KCNC2: variants seen among roughly 807,000 people sequenced by gnomAD.
The protein encoded by KCNC2 is potassium voltage-gated channel subfamily C member 2.
A neutral mutation model predicts 44.5 loss-of-function variants in KCNC2; 21 were observed. The ratio of observed to expected loss-of-function variants is 0.47; its 90% CI spans 0.33 to 0.68. The LOEUF is 0.68. Ranked by LOEUF, KCNC2 falls within the 30% of genes least tolerant of loss-of-function variation. The pLI is 0.01. For synonymous variants in KCNC2, 391 were observed against 339.1 expected, an observed-to-expected ratio of 1.15 and a Z score of -1.68; for missense variants, 589 against 826.2, an observed-to-expected ratio of 0.71 and a Z score of 3.52.
intron 2 of KCNC2, among the ~76,000 whole-genome samples, chr12:75,054,263 T>G (rs1881503192): frequency 1.3e-5 from 2 of 151,970 alleles, no homozygotes. Context: ...GAGGCAATGT[T>G]TTTATTTGTG....
At chr12:75,170,893 A>G (rs951068163) in intron 2 of KCNC2, among the ~76,000 whole-genome samples, 4 of 151,706 alleles carry the variant, frequency 2.6e-5, no homozygotes, top group Non-Finnish European at 5.9e-5. Context: ...CTGCATACTC[A>G]TTTGGGGGCG....
At chr12:75,141,014 C>T (rs1251597696) in intron 2 of KCNC2, among the ~76,000 whole-genome samples, 1 of 152,134 alleles carries the variant, frequency 6.6e-6, no homozygotes, top group Non-Finnish European at 1.5e-5. Flanking sequence ...TTCTGCTATT[C>T]ATGCTAAAAC....
intron 2 of KCNC2, among the ~76,000 whole-genome samples, chr12:75,188,117 A>G (rs2029873299): frequency 6.6e-6 from 1 of 152,212 alleles, no homozygotes; most frequent in Non-Finnish European, 1.5e-5. Context: ...GACCACAGAA[A>G]TCACCTCTGG....
intron 2 of KCNC2, among the ~76,000 whole-genome samples, chr12:75,169,263 G>A (rs1451474189): frequency 2.0e-5 from 3 of 151,470 alleles, no homozygotes; most frequent in East Asian, 1.9e-4. Context: ...GGCACATAAT[G>A]AGCATTGAAC....
chr12:75,069,355 C>G (rs200637610), intron 2 of KCNC2, among the ~76,000 whole-genome samples: 2 of 151,718 alleles, frequency 1.3e-5, no homozygotes, highest in African/African-American at 2.4e-5. Context: ...AGGCTGGTCT[C>G]GAACTCCCGA....
intron 2 of KCNC2, among the ~76,000 whole-genome samples, chr12:75,136,662 A>G (rs1444855023): frequency 6.6e-6 from 1 of 152,088 alleles, no homozygotes; most frequent in Non-Finnish European, 1.5e-5. Flanking sequence ...GAGTAATAAG[A>G]TAGAATCAGT....
chr12:75,048,301 G>C lies in KCNC2; in HGVS notation c.1632C>G (p.Asp544Glu), dbSNP rs774214038. Residue 544 changes from aspartate (D) to glutamate (E), a missense_variant, in exon 4 of 5, where the codon GAC (aspartate) becomes GAG (glutamate). Transcript: ENST00000549446. ...EHNRSVLSGD[D>E]STGSEPPLSP... The stretch of plus-strand genomic sequence containing the variant: ...ATAGTGGCGGCTCACTTCCTGTACT[G>C]TCGTCACCTGATAACACTGGTCACA... The C allele has an allele frequency of 1.2e-6, 2 of 1,611,348 alleles. No individual in the cohort carries two copies. Among genetic ancestry groups the C allele is most frequent in the South Asian group, 2.2e-5 (2 of 90,790 alleles).
At chr12:75,055,469 T>G (rs1024793364) in intron 2 of KCNC2, among the ~76,000 whole-genome samples, 3 of 152,092 alleles carry the variant, frequency 2.0e-5, no homozygotes, top group Non-Finnish European at 4.4e-5. Flanking sequence ...CATCTCTCTC[T>G]GTCTTTTCCC....
chr12:75,176,799 T>G (rs975460774), intron 2 of KCNC2, among the ~76,000 whole-genome samples: 1 of 151,884 alleles, frequency 6.6e-6, no homozygotes, highest in African/African-American at 2.4e-5. Flanking sequence ...CTGTGACCTT[T>G]GAAACAGTAA....
At chr12:75,204,781 T>C (rs2031555943) in intron 2 of KCNC2, among the ~76,000 whole-genome samples, 1 of 152,136 alleles carries the variant, frequency 6.6e-6, no homozygotes. Flanking sequence ...GTAAAAATAT[T>C]AAGTCACTTT....
chr12:75,077,533 T>A (rs927203399), intron 2 of KCNC2, among the ~76,000 whole-genome samples: 10 of 152,206 alleles, frequency 6.6e-5, no homozygotes, highest in Non-Finnish European at 1.2e-4. Context: ...TTCTTGGCAT[T>A]ACTCATTTTT....
At chr12:75,126,655 G>A (rs1431037051) in intron 2 of KCNC2, among the ~76,000 whole-genome samples, 1 of 152,020 alleles carries the variant, frequency 6.6e-6, no homozygotes, top group Non-Finnish European at 1.5e-5. Flanking sequence ...ATTCAGAATC[G>A]TTCTGGCACA....
intron 2 of KCNC2, among the ~76,000 whole-genome samples, chr12:75,083,168 T>A (rs1359723443): frequency 3.3e-5 from 5 of 151,576 alleles, no homozygotes; most frequent in African/African-American, 9.7e-5. Flanking sequence ...AAAAGTACTT[T>A]AAAATACAAA....
intron 2 of KCNC2, among the ~76,000 whole-genome samples, chr12:75,188,921 A>G (rs1052238780): frequency 6.6e-6 from 1 of 152,046 alleles, no homozygotes; most frequent in Non-Finnish European, 1.5e-5. Context: ...GTGACACACT[A>G]TAATAGCCCA....
At chr12:75,127,682 G>T (rs1378987878) in intron 2 of KCNC2, among the ~76,000 whole-genome samples, 1 of 152,094 alleles carries the variant, frequency 6.6e-6, no homozygotes, top group African/African-American at 2.4e-5. Context: ...GACACAAAAT[G>T]TGTCATGGTT....
chr12:75,115,306 CATT>C (rs1389305618), intron 2 of KCNC2, among the ~76,000 whole-genome samples: 1 of 152,166 alleles, frequency 6.6e-6, no homozygotes, highest in Non-Finnish European at 1.5e-5. Context: ...TCCTTCCACA[CATT>C]ATCTGATTTT....
intron 2 of KCNC2, among the ~76,000 whole-genome samples, chr12:75,141,877 G>A (rs966869201): frequency 2.0e-5 from 3 of 152,186 alleles, no homozygotes; most frequent in East Asian, 1.9e-4. Flanking sequence ...AGCATTTACC[G>A]TATGTCATCC....
Position 75,042,334 on chromosome 12 carries a change from G to A in KCNC2, c.*771C>T, listed in dbSNP as rs781166718. 1.4e-5 allele frequency: 23 copies of A among 1,611,736 alleles called. No individual in the cohort carries two copies. The highest frequency in any genetic ancestry group is 1.8e-5 in the Non-Finnish European group (21 of 1,178,750). Reference sequence around the variant, plus strand: ...GTCATTAAGTAAGAGATCTGGCCTCGGCTTGCGTGTAACCAGTAATGACAA... The same window carrying A: ...GTCATTAAGTAAGAGATCTGGCCTCAGCTTGCGTGTAACCAGTAATGACAA... On this transcript the variant is annotated 3_prime_UTR_variant, in exon 5 of 5. Coordinates refer to ENST00000549446, the MANE Select transcript of KCNC2 (RefSeq NM_139137.4).
chr12:75,142,532 A>G (rs1379420277), intron 2 of KCNC2, among the ~76,000 whole-genome samples: 3 of 152,206 alleles, frequency 2.0e-5, no homozygotes, highest in Non-Finnish European at 4.4e-5. Context: ...ACAACAAATC[A>G]TTTATTTTGC....
Sources: gnomAD v4.1 joint callset for allele counts (sites outside exome capture counted in the v4.1 genomes callset) on GRCh38, gnomAD v4.1.1 for gene constraint, MANE v1.5 for transcripts, NCBI Gene and HGNC (gene_info 2026-07-23, HGNC 2026-07-21) for gene names.